The following ECPAS variants were observed in gnomAD, a reference collection of about 807,000 sequenced individuals.
The protein encoded by ECPAS is Ecm29 proteasome adaptor and scaffold.
A neutral mutation model predicts 255.1 loss-of-function variants in ECPAS; 70 were observed. That is an observed-to-expected ratio of 0.27 (90% CI 0.23 to 0.33). The LOEUF is 0.33. Ranked by LOEUF, ECPAS falls within the 10% of genes least tolerant of loss-of-function variation. ECPAS has a pLI of 1.00. For missense variants in ECPAS, 1,817 were observed against 2,206.4 expected (o/e 0.82, Z 3.54); for synonymous variants, 784 against 775.0 (o/e 1.01, Z -0.19).
In ECPAS at chr9:111,440,359, T is replaced by C. The variant is rs148180482; in HGVS notation, c.539+13A>G. The C allele has an allele frequency of 9.5e-5, 150 of 1,584,450 alleles. 1 individual carries two copies. The African/African-American group carries it at 1.7e-3, about 18-fold the overall frequency. On this transcript the variant is annotated intron_variant, in intron 6 of 49. Coordinates refer to ENST00000684092, the MANE Select transcript of ECPAS (RefSeq NM_001364929.1). ...GCAGTCAAGAACAAGGTTGCTTTTA[T>C]TTTTTAACTCACCCATAAGGCATCA...
intron 7 of ECPAS, among the ~76,000 whole-genome samples, chr9:111,434,057 C>A (rs1037352099): frequency 6.6e-6 from 1 of 152,022 alleles, no homozygotes; most frequent in African/African-American, 2.4e-5. Context: ...GATAAATACA[C>A]CTGAAAAAAT....
chr9:111,440,629 A>C (rs532782548), intron 5 of ECPAS, 108 bp from the exon 6 acceptor site: 2 of 776,060 alleles, frequency 2.6e-6, no homozygotes, highest in Admixed American at 5.6e-5. Context: ...AGTTTTAAGC[A>C]AGAGACATTC....
At chr9:111,481,036 G>C (rs932124451) in intron 1 of ECPAS, among the ~76,000 whole-genome samples, 2 of 152,036 alleles carry the variant, frequency 1.3e-5, no homozygotes, top group African/African-American at 4.8e-5. Flanking sequence ...TCTACAACAG[G>C]AACTCAGATG....
At position 111,370,506 on chromosome 9, in the gene ECPAS, C is replaced by G; in HGVS notation, c.4903G>C (p.Asp1635His). The change falls in exon 45 of 50, where the codon GAT (aspartate) becomes CAT (histidine). Residue 1635 changes from aspartate (D) to histidine (H), a missense_variant. By Grantham distance (81) the Asp-to-His change is moderately conservative. Transcript: ENST00000684092. ...TCCTCTTTGGTGGCCTTCAAGATAT[C>G]AGCTGCACAGCTGATTGCTACAATC... is the stretch of plus-strand genomic sequence containing the variant. ...YKIVAISCAA[D>H]ILKATKEDRF... The G allele has an allele frequency of 6.2e-7, 1 of 1,611,404 alleles. No homozygotes were observed. The highest frequency in any genetic ancestry group is 8.5e-7 in the Non-Finnish European group (1 of 1,178,732).
intron 39 of ECPAS, 58 bp from the exon 40 acceptor site, chr9:111,373,464 T>C: frequency 6.9e-7 from 1 of 1,439,430 alleles, no homozygotes; most frequent in Non-Finnish European, 9.7e-7. Flanking sequence ...TTCCACTCTG[T>C]TCCCAGAACC....
At chr9:111,431,047 A>G (rs772411607) in intron 8 of ECPAS, among the ~76,000 whole-genome samples, 2 of 152,220 alleles carry the variant, frequency 1.3e-5, no homozygotes, top group African/African-American at 4.8e-5. Flanking sequence ...AGTGATAAGG[A>G]AAGTGACAAA....
intron 15 of ECPAS, among the ~76,000 whole-genome samples, chr9:111,421,555 G>T (rs1332229022): frequency 6.6e-6 from 1 of 151,912 alleles, no homozygotes; most frequent in Admixed American, 6.6e-5. Context: ...GACTCACTTT[G>T]ACATATGGAA....
intron 2 of ECPAS, among the ~76,000 whole-genome samples, chr9:111,455,043 T>C (rs993737584): frequency 4.6e-5 from 7 of 152,124 alleles, no homozygotes; most frequent in Admixed American, 3.9e-4. Flanking sequence ...CCTAAGTCTT[T>C]TGAGTATAGT....
chr9:111,394,701 T>C (rs2098165091), intron 25 of ECPAS, among the ~76,000 whole-genome samples: 1 of 152,166 alleles, frequency 6.6e-6, no homozygotes, highest in Admixed American at 6.5e-5. Context: ...ACCTCAACAC[T>C]ACCGACATTG....
intron 16 of ECPAS, among the ~76,000 whole-genome samples, chr9:111,419,700 T>C (rs915290299): frequency 6.6e-6 from 1 of 151,294 alleles, no homozygotes; most frequent in Non-Finnish European, 1.5e-5. Context: ...TATAATTATA[T>C]TACACACGCA....
rs1203651271 is a variant in ECPAS, at chr9:111,426,306, CCAA to C, written c.1051-481_1051-479del. On this transcript the variant is annotated intron_variant, in intron 10 of 49. Coordinates refer to ENST00000684092, the MANE Select transcript of ECPAS (RefSeq NM_001364929.1). Reference sequence around the variant, plus strand: ...CAGCATCCAGCAAGTTCAATATTAACCAACAACATCAAAAATATCTAAATCCCT... The same window carrying C: ...CAGCATCCAGCAAGTTCAATATTAACCAACATCAAAAATATCTAAATCCCT... Among the ~76,000 whole-genome samples the C allele has an allele frequency of 5.3e-5, 8 of 150,930 alleles. No individual in the cohort carries two copies. In the East Asian group the frequency reaches 1.6e-3, roughly 29 times the overall value.
intron 25 of ECPAS, 72 bp from the exon 26 acceptor site, chr9:111,394,377 A>T (rs2098164722): frequency 1.5e-6 from 2 of 1,336,504 alleles, no homozygotes; most frequent in African/African-American, 1.5e-5. Context: ...AATTAAATTC[A>T]AATCAACATT....
At chr9:111,411,270 A>C in intron 21 of ECPAS, 128 bp from the exon 22 acceptor site, 2 of 963,060 alleles carry the variant, frequency 2.1e-6, no homozygotes, top group East Asian at 2.4e-5. Flanking sequence ...TAAAGTGAAC[A>C]CTCGAGGTTT....
At chr9:111,467,625 T>C (rs1481261310) in intron 2 of ECPAS, among the ~76,000 whole-genome samples, 4 of 152,204 alleles carry the variant, frequency 2.6e-5, no homozygotes, top group African/African-American at 4.8e-5. Context: ...AAGCTGAAAA[T>C]ACCTAAGACC....
chr9:111,364,380 C>G (rs2098117794), intron 48 of ECPAS, among the ~76,000 whole-genome samples: 1 of 152,078 alleles, frequency 6.6e-6, no homozygotes, highest in Non-Finnish European at 1.5e-5. Context: ...TCTGGGACAA[C>G]TGGAATAACG....
intron 46 of ECPAS, 132 bp downstream of exon 46, chr9:111,368,903 C>A: frequency 1.2e-6 from 1 of 867,022 alleles, no homozygotes; most frequent in Non-Finnish European, 1.6e-6. Flanking sequence ...AAAACTTTCA[C>A]TGGATAATTC....
chr9:111,465,261 C>T lies in ECPAS; in HGVS notation c.22+7636G>A, dbSNP rs923077541. ...TGTTAATAAGATTACTCTCCAAGGC[C>T]GGGCACAGTGGCTCATGCCTGTAAT... On this transcript the variant is annotated intron_variant, in intron 2 of 49. Transcript: ENST00000684092. Among the ~76,000 whole-genome samples the T allele has an allele frequency of 3.3e-5, 5 of 151,894 alleles. No individual in the cohort carries two copies. The East Asian group carries it at 7.7e-4, about 23-fold the overall frequency.
intron 1 of ECPAS, among the ~76,000 whole-genome samples, chr9:111,480,269 T>C (rs1264135337): frequency 6.7e-6 from 1 of 149,926 alleles, no homozygotes; most frequent in Non-Finnish European, 1.5e-5. Flanking sequence ...TTTTTTTTAG[T>C]GGAATTCTTA....
At chr9:111,431,191 A>G (rs1431730688) in intron 8 of ECPAS, among the ~76,000 whole-genome samples, 1 of 152,206 alleles carries the variant, frequency 6.6e-6, no homozygotes, top group Non-Finnish European at 1.5e-5. Flanking sequence ...TTAATTCTGC[A>G]GAGTAGTTAT....
Sources: gnomAD v4.1 joint callset for allele counts (sites outside exome capture counted in the v4.1 genomes callset) on GRCh38, gnomAD v4.1.1 for gene constraint, MANE v1.5 for transcripts, NCBI Gene and HGNC (gene_info 2026-07-23, HGNC 2026-07-21) for gene names.